Variants in ALK observed in about 807,000 individuals in gnomAD.
The protein encoded by ALK is ALK tyrosine kinase receptor.
Under a neutral mutation model 163.1 loss-of-function variants are expected in ALK, and 74 were observed. That is an observed-to-expected ratio of 0.45 (90% CI 0.38 to 0.55). The LOEUF (loss-of-function observed/expected upper bound fraction) is 0.55, where lower values mean the gene tolerates loss of function less well. Among genes scored for constraint, ALK ranks in the 20% least tolerant of loss-of-function variants. The probability of loss-of-function intolerance (pLI) is 0.00; values close to 1 mark genes in which losing one functional copy is unlikely to be tolerated. For missense variants in ALK, 2,063 were observed against 2,105.3 expected (o/e 0.98, Z 0.39); for synonymous variants, 960 against 843.2 (o/e 1.14, Z -2.40).
chr2:29,216,317 C>T (rs1420011834), intron 23 of ALK, among the ~76,000 whole-genome samples: 1 of 152,118 alleles, frequency 6.6e-6, no homozygotes, highest in Non-Finnish European at 1.5e-5. Context: ...GCTCTCTGTC[C>T]CTACCAGAGG....
chr2:29,627,707 G>T (rs926761390), intron 3 of ALK, among the ~76,000 whole-genome samples: 1 of 152,198 alleles, frequency 6.6e-6, no homozygotes, highest in Non-Finnish European at 1.5e-5. Flanking sequence ...CAAGTTCTAT[G>T]AATCAAATAT....
intron 3 of ALK, among the ~76,000 whole-genome samples, chr2:29,687,292 G>C (rs1226331564): frequency 2.0e-5 from 3 of 151,876 alleles, no homozygotes; most frequent in Admixed American, 2.0e-4. Flanking sequence ...CAAGCAGAAA[G>C]AGGTAGGGGG....
chr2:29,624,180 G>C (rs1676122352), intron 3 of ALK, among the ~76,000 whole-genome samples: 1 of 152,284 alleles, frequency 6.6e-6, no homozygotes, highest in Non-Finnish European at 1.5e-5. Context: ...CTCGCTGGTG[G>C]TAGAAACCCC....
chr2:29,879,018 G>A (rs1666793100), intron 1 of ALK, among the ~76,000 whole-genome samples: 1 of 152,146 alleles, frequency 6.6e-6, no homozygotes, highest in African/African-American at 2.4e-5. Context: ...ACTGATGCCA[G>A]GGAGTGTCAG....
intron 11 of ALK, among the ~76,000 whole-genome samples, chr2:29,255,019 T>A (rs10439521): frequency 0.022 from 3,372 of 152,232 alleles, 131 homozygotes; most frequent in African/African-American, 0.076. Flanking sequence ...GAAGAGAGGA[T>A]TTGCCATCCT....
chr2:29,770,253 C>A (rs1680982385), intron 1 of ALK, among the ~76,000 whole-genome samples: 1 of 152,176 alleles, frequency 6.6e-6, no homozygotes, highest in Non-Finnish European at 1.5e-5. Context: ...AGAATCATGG[C>A]CACTAGGCCT....
chr2:29,322,518 G>A (rs1351663457), intron 6 of ALK, among the ~76,000 whole-genome samples: 4 of 152,222 alleles, frequency 2.6e-5, no homozygotes, highest in Non-Finnish European at 5.9e-5. Flanking sequence ...CTCATGGAGT[G>A]TCCTTCACAA....
At chr2:29,851,145 G>C (rs1665979481) in intron 1 of ALK, among the ~76,000 whole-genome samples, 1 of 152,218 alleles carries the variant, frequency 6.6e-6, no homozygotes, top group Non-Finnish European at 1.5e-5. Context: ...CTCTAATTAA[G>C]ACAATTAACT....
rs532203213 is a variant in ALK, at chr2:29,796,448, C to A, written c.668-78751G>T. 9.2e-5 allele frequency among the ~76,000 whole-genome samples: 14 copies of A among 152,260 alleles called. 1 individual carries two copies. In the South Asian group the frequency reaches 2.9e-3, roughly 32 times the overall value. ...TTGAGCCATCAGACCTGCATCTGAA[C>A]AAATGGGAAGATGGCAATCTGAAAA... On this transcript the variant is annotated intron_variant, in intron 1 of 28. Coordinates refer to ENST00000389048, the MANE Select transcript of ALK (RefSeq NM_004304.5).
chr2:29,306,452 T>C (rs1315145937), intron 8 of ALK, among the ~76,000 whole-genome samples: 1 of 152,220 alleles, frequency 6.6e-6, no homozygotes, highest in Non-Finnish European at 1.5e-5. Context: ...GCTCAGTGTG[T>C]GGTCTTTGGA....
chr2:29,605,613 C>T lies in ALK; in HGVS notation c.953-73497G>A, dbSNP rs536080689. Among the ~76,000 whole-genome samples the T allele has an allele frequency of 3.9e-5, 6 of 152,224 alleles. No homozygotes were observed. The South Asian group carries it at 1.0e-3, about 26-fold the overall frequency. On this transcript the variant is annotated intron_variant, in intron 3 of 28. Coordinates refer to ENST00000389048, the MANE Select transcript of ALK (RefSeq NM_004304.5). ...ACCAGAGCTTTGTCTCTTTCTTCCA[C>T]GTGATCACCTGGCAAGAAGGTGGCC...
Position 29,398,175 on chromosome 2 carries a change from C to T in ALK, c.1155-14316G>A, listed in dbSNP as rs531425021. The stretch of plus-strand genomic sequence containing the variant: ...GCTAGAGGGGGCAGGAATCCCTGGG[C>T]ACAGGCCAGCGTTTCCTCCCATCTT... On this transcript the variant is annotated intron_variant, in intron 4 of 28. Coordinates refer to ENST00000389048, the MANE Select transcript of ALK (RefSeq NM_004304.5). Among the ~76,000 whole-genome samples, 153 of 152,300 alleles carry T rather than the reference C, an allele frequency of 1.0e-3. 1 individual carries two copies. The highest frequency in any genetic ancestry group is 2.0e-3 in the Non-Finnish European group (139 of 68,038).
intron 1 of ALK, among the ~76,000 whole-genome samples, chr2:29,847,438 G>T (rs1296715745): frequency 6.6e-6 from 1 of 152,152 alleles, no homozygotes; most frequent in East Asian, 1.9e-4. Flanking sequence ...GCAACTTGCT[G>T]ATCAGGTACA....
At chr2:29,645,379 T>A (rs1676842087) in intron 3 of ALK, among the ~76,000 whole-genome samples, 1 of 152,188 alleles carries the variant, frequency 6.6e-6, no homozygotes, top group Admixed American at 6.6e-5. Context: ...GGAAACAAAC[T>A]TGGCTTCTTT....
At chr2:29,399,146 A>G (rs1669382924) in intron 4 of ALK, among the ~76,000 whole-genome samples, 1 of 152,234 alleles carries the variant, frequency 6.6e-6, no homozygotes, top group African/African-American at 2.4e-5. Flanking sequence ...GACGCTGGGC[A>G]GGAATTCTTC....
At position 29,223,881 on chromosome 2, in the gene ALK, G is replaced by T. The variant is rs1663828261; in HGVS notation, c.3173-353C>A. 7.6e-6 allele frequency: 3 copies of T among 393,476 alleles called. No homozygotes were observed. In the East Asian group the frequency reaches 1.3e-4, roughly 17 times the overall value. 24.4% of individuals were successfully genotyped at this position (393,476 alleles called of 1,614,324 possible). A position where few individuals can be genotyped will look rare whatever the true frequency, so the allele number is the denominator to read the frequency against. ...AGAAATGCCCATGAGAGGAAATGGG[G>T]AGGGAGCCAGGGAAGGCTGGGTGAA... is the stretch of plus-strand genomic sequence containing the variant. On this transcript the variant is annotated intron_variant, in intron 19 of 28. Coordinates refer to ENST00000389048, the MANE Select transcript of ALK (RefSeq NM_004304.5).
chr2:29,784,703 A>G (rs1663955103), intron 1 of ALK, among the ~76,000 whole-genome samples: 1 of 87,044 alleles, frequency 1.1e-5, no homozygotes, highest in Non-Finnish European at 2.3e-5. Flanking sequence ...CTCAACAACA[A>G]CAACAACAAA....
At chr2:29,788,764 G>A (rs1376452317) in intron 1 of ALK, among the ~76,000 whole-genome samples, 2 of 152,162 alleles carry the variant, frequency 1.3e-5, no homozygotes, top group African/African-American at 4.8e-5. Flanking sequence ...AACCTGGAGG[G>A]CTAAGGAACA....
chr2:29,254,022 C>T (rs1056343793), intron 11 of ALK, among the ~76,000 whole-genome samples: 1 of 152,154 alleles, frequency 6.6e-6, no homozygotes, highest in African/African-American at 2.4e-5. Context: ...TTTTCCCCAT[C>T]CTGTTCTCAT....
Sources: gnomAD v4.1 joint callset for allele counts (sites outside exome capture counted in the v4.1 genomes callset) on GRCh38, gnomAD v4.1.1 for gene constraint, MANE v1.5 for transcripts, NCBI Gene and HGNC (gene_info 2026-07-23, HGNC 2026-07-21) for gene names.